ROBO2: variants seen among roughly 807,000 people sequenced by gnomAD.
ROBO2 encodes the protein roundabout guidance receptor 2.
ROBO2 carries 53 observed loss-of-function variants against 160.8 expected under a neutral mutation model. The ratio of observed to expected loss-of-function variants is 0.33; its 90% CI spans 0.26 to 0.41. ROBO2 has a LOEUF of 0.41. ROBO2 is among the 10% of genes least tolerant of loss of function. ROBO2 has a pLI of 1.00. For synonymous variants in ROBO2, 664 were observed against 611.7 expected (o/e 1.09, Z -1.26); for missense variants, 1,577 against 1,722.4 (o/e 0.92, Z 1.49).
upstream of ROBO2, among the ~76,000 whole-genome samples, chr3:77,035,623 C>G (rs1235591843): frequency 6.6e-6 from 1 of 151,850 alleles, no homozygotes; most frequent in Non-Finnish European, 1.5e-5. Flanking sequence ...CACAGACAGA[C>G]TTATATAGAG....
At chr3:77,125,250 C>CA (rs1384890863) in intron 2 of ROBO2, among the ~76,000 whole-genome samples, 1 of 152,148 alleles carries the variant, frequency 6.6e-6, no homozygotes, top group African/African-American at 2.4e-5. Context: ...ACGCCAATCA[C>CA]AGTCACATGA....
In ROBO2 at chr3:76,538,151, T is replaced by TCACACACA. The variant is rs3223397; in HGVS notation, c.110-559837_110-559830dup. Among the ~76,000 whole-genome samples the TCACACACA allele has an allele frequency of 2.6e-3, 374 of 146,348 alleles. 1 individual carries two copies. Among genetic ancestry groups the TCACACACA allele is most frequent in the Middle Eastern group, 0.01 (3 of 286 alleles). On this transcript the variant is annotated intron_variant, in intron 2 of 26. Coordinates refer to the ROBO2 transcript ENST00000487694. Reference sequence around the variant, plus strand: ...CTTTGGCTCAGAGGCCTGACAGAACTCACACACACACACACACACACACAC... The same window carrying TCACACACA: ...CTTTGGCTCAGAGGCCTGACAGAACTCACACACACACACACACACACACACACACACAC...
chr3:77,559,351 A>G (rs1300939568), intron 9 of ROBO2, among the ~76,000 whole-genome samples: 1 of 152,114 alleles, frequency 6.6e-6, no homozygotes, highest in Non-Finnish European at 1.5e-5. Context: ...CATTCAACTC[A>G]TTCAACTAGG....
chr3:76,050,330 C>T (rs1180356551), intron 2 of ROBO2, among the ~76,000 whole-genome samples: 1 of 152,152 alleles, frequency 6.6e-6, no homozygotes, highest in Non-Finnish European at 1.5e-5. Context: ...TTGGACTTAA[C>T]ACCAGTGTTT....
chr3:77,017,373 T>C (rs1451482468), intron 2 of ROBO2, among the ~76,000 whole-genome samples: 1 of 152,218 alleles, frequency 6.6e-6, no homozygotes, highest in Non-Finnish European at 1.5e-5. Context: ...AACATTGATT[T>C]GTTAAAAGAT....
intron 2 of ROBO2, among the ~76,000 whole-genome samples, chr3:76,204,726 C>T (rs2107277823): frequency 6.6e-6 from 1 of 152,174 alleles, no homozygotes; most frequent in Non-Finnish European, 1.5e-5. Flanking sequence ...ATTTTGTCTC[C>T]TATTGGCTAC....
intron 2 of ROBO2, among the ~76,000 whole-genome samples, chr3:77,408,480 C>A (rs2076436386): frequency 6.6e-6 from 1 of 152,106 alleles, no homozygotes; most frequent in African/African-American, 2.4e-5. Context: ...AGAATTGACA[C>A]CCCCTCACAT....
chr3:76,803,017 T>C (rs1429200870), intron 2 of ROBO2, among the ~76,000 whole-genome samples: 5 of 152,160 alleles, frequency 3.3e-5, no homozygotes, highest in Non-Finnish European at 7.3e-5. Context: ...TAAATACAAT[T>C]TGGAGATCAT....
intron 6 of ROBO2, among the ~76,000 whole-genome samples, chr3:77,535,690 G>T (rs2092048576): frequency 1.3e-5 from 2 of 152,082 alleles, no homozygotes; most frequent in African/African-American, 4.8e-5. Context: ...AGGTAGAAAA[G>T]CAAAGCTACA....
At chr3:76,850,326 A>G (rs1228939234) in intron 2 of ROBO2, among the ~76,000 whole-genome samples, 1 of 152,166 alleles carries the variant, frequency 6.6e-6, no homozygotes, top group Admixed American at 6.5e-5. Flanking sequence ...TTAATTAAGC[A>G]GTGATTATAG....
At chr3:76,106,895 G>A (rs1004532868) in intron 2 of ROBO2, among the ~76,000 whole-genome samples, 1 of 152,020 alleles carries the variant, frequency 6.6e-6, no homozygotes, top group African/African-American at 2.4e-5. Flanking sequence ...TACCACAAGG[G>A]GTACTCTTGA....
intron 2 of ROBO2, among the ~76,000 whole-genome samples, chr3:76,343,940 G>C (rs1044343312): frequency 2.0e-5 from 3 of 151,948 alleles, no homozygotes; most frequent in African/African-American, 7.3e-5. Context: ...TTATAAACCT[G>C]AGTAAATTTG....
chr3:76,119,629 A>G (rs1427163646), intron 2 of ROBO2, among the ~76,000 whole-genome samples: 1 of 151,876 alleles, frequency 6.6e-6, no homozygotes, highest in East Asian at 1.9e-4. Flanking sequence ...AGAACTTAAT[A>G]TATAATAAAA....
intron 2 of ROBO2, among the ~76,000 whole-genome samples, chr3:76,014,222 G>A (rs906653538): frequency 2.4e-5 from 3 of 122,686 alleles, no homozygotes; most frequent in African/African-American, 1.1e-4. Context: ...ATGTATAAAG[G>A]CATTTGACGG....
intron 2 of ROBO2, among the ~76,000 whole-genome samples, chr3:76,024,954 A>T (rs530387509): frequency 0.013 from 1,969 of 149,102 alleles, 39 homozygotes; most frequent in Admixed American, 0.04. Flanking sequence ...TATATATATT[A>T]TATATATGTG....
chr3:76,986,566 C>T (rs1281045068), intron 2 of ROBO2, among the ~76,000 whole-genome samples: 2 of 151,810 alleles, frequency 1.3e-5, no homozygotes, highest in Admixed American at 6.6e-5. Context: ...GTAATTATCA[C>T]CAAAATAACT....
In ROBO2 at chr3:76,188,315, A is replaced by C. The variant is rs576158190; in HGVS notation, c.109+250713A>C. On this transcript the variant is annotated intron_variant, in intron 2 of 26. Transcript: ENST00000487694. ...GACTTAGGGCTTTTTAAGAAGGAGA[A>C]ATTTGAACACAGAGACAGACACATA... Among the ~76,000 whole-genome samples, 30 of 152,162 alleles carry C rather than the reference A, an allele frequency of 2.0e-4. No individual in the cohort carries two copies. In the South Asian group the frequency reaches 5.8e-3, roughly 29 times the overall value.
At chr3:77,502,539 C>A (rs1206051866) in intron 5 of ROBO2, among the ~76,000 whole-genome samples, 1 of 152,000 alleles carries the variant, frequency 6.6e-6, no homozygotes, top group Non-Finnish European at 1.5e-5. Flanking sequence ...AAAATAATTT[C>A]ACTGGAAACA....
At chr3:77,563,452 T>A in intron 11 of ROBO2, 123 bp downstream of exon 12, 1 of 948,716 alleles carries the variant, frequency 1.1e-6, no homozygotes, top group Non-Finnish European at 1.7e-6. Flanking sequence ...TAAGAATTGA[T>A]CTCTTCTCTC....
Sources: allele counts gnomAD v4.1 joint callset (sites outside exome capture counted in the v4.1 genomes callset), GRCh38; gene constraint gnomAD v4.1.1; transcripts MANE v1.5; gene names NCBI Gene and HGNC (gene_info 2026-07-23, HGNC 2026-07-21).